The following GTF2H1 variants were observed in gnomAD, a reference collection of about 807,000 sequenced individuals.
The protein encoded by GTF2H1 is BTF2 p62.
Under a neutral mutation model 71.2 loss-of-function variants are expected in GTF2H1, and 16 were observed. The ratio of observed to expected loss-of-function variants is 0.22; its 90% CI spans 0.15 to 0.34. The LOEUF is 0.34. GTF2H1 is among the 10% of genes least tolerant of loss of function. The pLI, the probability that GTF2H1 is intolerant of heterozygous loss-of-function variation, is 1.00. For missense variants in GTF2H1, 498 were observed against 648.2 expected (o/e 0.77, Z 2.52); for synonymous variants, 215 against 219.0 (o/e 0.98, Z 0.16).
intron 1 of GTF2H1, among the ~76,000 whole-genome samples, chr11:18,325,214 G>GA (rs1864733082): frequency 6.6e-6 from 1 of 152,178 alleles, no homozygotes; most frequent in African/African-American, 2.4e-5. Flanking sequence ...GTAGGTAATG[G>GA]AAATGCAGAG....
At chr11:18,340,700 G>A (rs1865137748) in intron 5 of GTF2H1, among the ~76,000 whole-genome samples, 1 of 152,214 alleles carries the variant, frequency 6.6e-6, no homozygotes, top group Non-Finnish European at 1.5e-5. Flanking sequence ...AACCTATGAA[G>A]TAGAGGTACT....
intron 12 of GTF2H1, 165 bp downstream of exon 12, chr11:18,358,207 A>G (rs771361136): frequency 1.6e-6 from 1 of 620,572 alleles, no homozygotes; most frequent in East Asian, 2.8e-5. Flanking sequence ...TCTAGACAAG[A>G]TCTTAGGTTT....
chr11:18,360,571 A>G, intron 13 of GTF2H1, 44 bp from the exon 14 acceptor site: 1 of 937,476 alleles, frequency 1.1e-6, no homozygotes. Context: ...TGGTCTCTAC[A>G]GCTTGAGATT....
intron 5 of GTF2H1, among the ~76,000 whole-genome samples, chr11:18,340,534 C>T (rs1026426803): frequency 2.0e-5 from 3 of 152,108 alleles, no homozygotes; most frequent in Non-Finnish European, 2.9e-5. Context: ...GTGATCTGCC[C>T]GCCTCAGCCT....
chr11:18,352,791 A>G (rs1351169376), intron 11 of GTF2H1, among the ~76,000 whole-genome samples: 24 of 152,214 alleles, frequency 1.6e-4, no homozygotes. Flanking sequence ...ACAGCTCATC[A>G]TTGTTCTTTG....
chr11:18,334,249 G>C (rs1245405506), intron 2 of GTF2H1, among the ~76,000 whole-genome samples: 1 of 152,120 alleles, frequency 6.6e-6, no homozygotes, highest in African/African-American at 2.4e-5. Context: ...GCATGGTGGC[G>C]GGCGCCTGTA....
intron 10 of GTF2H1, 99 bp downstream of exon 10, chr11:18,352,068 TCAAAGTA>T: frequency 1.4e-6 from 1 of 707,966 alleles, no homozygotes; most frequent in Non-Finnish European, 2.5e-6. Flanking sequence ...TTCGTCACCA[TCAAAGTA>T]CAATATCCTT....
intron 9 of GTF2H1, chr11:18,348,266 T>TG: frequency 2.6e-6 from 1 of 384,688 alleles, no homozygotes; most frequent in South Asian, 1.1e-4. Context: ...AAACCGAAGT[T>TG]TCATGTATAT....
chr11:18,363,697 C>A (rs775133307), intron 14 of GTF2H1, among the ~76,000 whole-genome samples: 23 of 152,148 alleles, frequency 1.5e-4, no homozygotes, highest in Non-Finnish European at 2.9e-4. Context: ...AGTGTCTTCT[C>A]ACAGCAGGGC....
chr11:18,366,146 T>C lies in GTF2H1; in HGVS notation c.*277T>C, dbSNP rs1373852960. The C allele has an allele frequency of 8.7e-6, 3 of 346,652 alleles. No homozygotes were observed. In the East Asian group the frequency reaches 1.3e-4, roughly 16 times the overall value. The allele number at this position is 346,652 out of a possible 1,614,324, so 21.5% of individuals were successfully genotyped here. A position where few individuals can be genotyped will look rare whatever the true frequency, so the allele number is the denominator to read the frequency against. On this transcript the variant is annotated 3_prime_UTR_variant, in exon 15 of 15. Transcript: ENST00000265963. Reference sequence around the variant, plus strand: ...ACACACACATATATGTACATGTGTATGTACATATATATTTTAAAAGACTGT... The same window carrying C: ...ACACACACATATATGTACATGTGTACGTACATATATATTTTAAAAGACTGT...
At chr11:18,358,734 C>A in intron 13 of GTF2H1, 94 bp downstream of exon 13, 1 of 748,230 alleles carries the variant, frequency 1.3e-6, no homozygotes, top group Non-Finnish European at 2.4e-6. Context: ...TACCATGTGA[C>A]AGACACTGGG....
chr11:18,364,029 G>A (rs776485576), intron 14 of GTF2H1, among the ~76,000 whole-genome samples: 12 of 151,728 alleles, frequency 7.9e-5, no homozygotes, highest in Non-Finnish European at 1.3e-4. Context: ...AGCTGAGATC[G>A]TGCCATTGCA....
At chr11:18,340,846 A>G (rs4150597) in intron 5 of GTF2H1, among the ~76,000 whole-genome samples, 4,088 of 152,252 alleles carry the variant, frequency 0.027, 82 homozygotes, top group African/African-American at 0.053. Flanking sequence ...GTTGAACTCT[A>G]TGCTTGCTAG....
chr11:18,329,751 C>G (rs1296035188), intron 1 of GTF2H1, among the ~76,000 whole-genome samples: 1 of 152,186 alleles, frequency 6.6e-6, no homozygotes, highest in Non-Finnish European at 1.5e-5. Context: ...ACACCTGTTT[C>G]CCTTTACTTT....
intron 1 of GTF2H1, among the ~76,000 whole-genome samples, chr11:18,329,176 C>CATT (rs4150549): frequency 0.68 from 102,711 of 151,708 alleles, 35,250 homozygotes; most frequent in East Asian, 0.96. Flanking sequence ...AGGGTTGTGA[C>CATT]ATGGAATTTT....
chr11:18,366,119 A>T lies in GTF2H1; in HGVS notation c.*250A>T. 1 of 512,282 alleles carries T rather than the reference A, an allele frequency of 2.0e-6. No individual in the cohort carries two copies. Among genetic ancestry groups the T allele is most frequent in the South Asian group, 2.8e-5 (1 of 35,452 alleles). 31.7% of individuals were successfully genotyped at this position (512,282 alleles called of 1,614,324 possible). ...CTAAGTTGCAAATATATATATATAC[A>T]CACACACACATATATGTACATGTGT... On this transcript the variant is annotated 3_prime_UTR_variant, in exon 15 of 15. Coordinates refer to ENST00000265963, the MANE Select transcript of GTF2H1 (RefSeq NM_005316.4).
chr11:18,352,502 A>G lies in GTF2H1; in HGVS notation c.1260+56A>G, dbSNP rs1397629777. 5.3e-6 allele frequency: 4 copies of G among 751,452 alleles called. No homozygotes were observed. The East Asian group carries it at 7.5e-5, about 14-fold the overall frequency. The allele number at this position is 751,452 out of a possible 1,614,324, so 46.5% of individuals were successfully genotyped here. On this transcript the variant is annotated intron_variant, in intron 11 of 14. Coordinates refer to ENST00000265963, the MANE Select transcript of GTF2H1 (RefSeq NM_005316.4). ...ATTCCCATAGTTCCTTCCTCAGTTT[A>G]TGAGCACAAGCAGATTGAACCATAC...
intron 7 of GTF2H1, among the ~76,000 whole-genome samples, chr11:18,343,289 T>C (rs1165247636): frequency 6.6e-6 from 1 of 152,228 alleles, no homozygotes; most frequent in Non-Finnish European, 1.5e-5. Context: ...CCTTATAGGA[T>C]TTCTATGAGT....
At chr11:18,362,796 G>A (rs1303258566) in intron 14 of GTF2H1, among the ~76,000 whole-genome samples, 3 of 149,354 alleles carry the variant, frequency 2.0e-5, no homozygotes, top group Non-Finnish European at 3.0e-5. Flanking sequence ...TCAGCCTCCC[G>A]AGTAGCTGGG....
Sources: gnomAD v4.1 joint callset for allele counts (sites outside exome capture counted in the v4.1 genomes callset) on GRCh38, gnomAD v4.1.1 for gene constraint, MANE v1.5 for transcripts, NCBI Gene and HGNC (gene_info 2026-07-23, HGNC 2026-07-21) for gene names.